The following CMTM8 variants were observed in gnomAD, a reference collection of about 807,000 sequenced individuals.
CMTM8 encodes the protein CKLF-like MARVEL transmembrane domain-containing protein 8.
CMTM8 carries 12 observed loss-of-function variants against 18.6 expected under a neutral mutation model. The ratio of observed to expected loss-of-function variants is 0.65; its 90% confidence interval spans 0.41 to 1.05. The LOEUF (loss-of-function observed/expected upper bound fraction) is 1.05, where lower values mean the gene tolerates loss of function less well. Among genes scored for constraint, CMTM8 ranks in the 50% least tolerant of loss-of-function variants. The pLI, the probability that CMTM8 is intolerant of heterozygous loss-of-function variation, is 0.00. For missense variants in CMTM8, 217 were observed against 227.2 expected, an observed-to-expected ratio of 0.95 and a Z score of 0.29; for synonymous variants, 87 against 90.6, an observed-to-expected ratio of 0.96 and a Z score of 0.23.
chr3:32,267,298 A>T (rs1045726074), intron 1 of CMTM8, among the ~76,000 whole-genome samples: 1 of 152,208 alleles, frequency 6.6e-6, no homozygotes, highest in African/African-American at 2.4e-5. Context: ...ATAATGCCAC[A>T]CATCTACAAC....
rs1486047004 is a variant in CMTM8 at position 32,238,741 on chromosome 3, G to A, written c.-232G>A. On this transcript the variant is annotated 5_prime_UTR_variant, in exon 1 of 4. Coordinates refer to ENST00000307526, the MANE Select transcript of CMTM8 (RefSeq NM_178868.5). ...CCTCGCTCGCTCTCCTCTTCCTCTA[G>A]GGCCCCAGCGCAGCTCGGGAGCCCG... is the stretch of plus-strand genomic sequence containing the variant. The A allele has an allele frequency of 1.7e-5, 4 of 241,640 alleles. No homozygotes were observed. Among genetic ancestry groups the A allele is most frequent in the African/African-American group, 6.9e-5 (3 of 43,368 alleles). The allele number at this position is 241,640 out of a possible 1,614,324, so 15.0% of individuals were successfully genotyped here.
intron 1 of CMTM8, among the ~76,000 whole-genome samples, chr3:32,251,252 C>A (rs1702106860): frequency 6.6e-6 from 1 of 152,134 alleles, no homozygotes; most frequent in East Asian, 1.9e-4. Flanking sequence ...TTTTTATTTG[C>A]ATTTCTGTGA....
intron 1 of CMTM8, among the ~76,000 whole-genome samples, chr3:32,274,822 A>C (rs909693064): frequency 2.6e-5 from 4 of 152,118 alleles, no homozygotes; most frequent in African/African-American, 9.7e-5. Context: ...ATTTTGAAGA[A>C]TCCAAGTGAG....
At chr3:32,276,806 GA>G (rs1292511870) in intron 1 of CMTM8, among the ~76,000 whole-genome samples, 1 of 152,108 alleles carries the variant, frequency 6.6e-6, no homozygotes. Context: ...GAGGCTGCCA[GA>G]CCTTCCATAT....
chr3:32,366,940 G>A (rs908535915), intron 2 of CMTM8, among the ~76,000 whole-genome samples: 8 of 152,206 alleles, frequency 5.3e-5, no homozygotes, highest in Admixed American at 4.6e-4. Flanking sequence ...GGTGGCGACA[G>A]GAACATACAA....
intron 1 of CMTM8, among the ~76,000 whole-genome samples, chr3:32,262,769 A>T (rs1702274586): frequency 6.6e-6 from 1 of 152,094 alleles, no homozygotes; most frequent in Admixed American, 6.6e-5. Flanking sequence ...CTGTAGGCTT[A>T]TTTCTTCCCT....
At chr3:32,336,287 C>T (rs183443671) in intron 1 of CMTM8, among the ~76,000 whole-genome samples, 1 of 152,340 alleles carries the variant, frequency 6.6e-6, no homozygotes, top group Admixed American at 6.5e-5. Flanking sequence ...AGCCGGTTCT[C>T]AGGCTCTGTG....
At chr3:32,295,479 C>CAAAAAAAAA (rs58774314) in intron 1 of CMTM8, among the ~76,000 whole-genome samples, 2 of 82,466 alleles carry the variant, frequency 2.4e-5, no homozygotes, top group African/African-American at 5.2e-5. Flanking sequence ...AAAAAAAAAA[C>CAAAAAAAAA]AAAACAAAAC....
At chr3:32,288,106 C>T (rs1702715992) in intron 1 of CMTM8, among the ~76,000 whole-genome samples, 1 of 152,178 alleles carries the variant, frequency 6.6e-6, no homozygotes, top group Non-Finnish European at 1.5e-5. Flanking sequence ...GACCTGGAAT[C>T]TGAACACAGT....
intron 3 of CMTM8, among the ~76,000 whole-genome samples, chr3:32,369,394 T>G (rs1469527996): frequency 6.6e-6 from 1 of 152,144 alleles, no homozygotes; most frequent in African/African-American, 2.4e-5. Flanking sequence ...GGGCTCAAGT[T>G]AACACGTAGC....
At position 32,340,857 on chromosome 3, in the gene CMTM8, C is replaced by G. The variant is rs572717590; in HGVS notation, c.148-16516C>G. On this transcript the variant is annotated intron_variant, in intron 1 of 3. Transcript: ENST00000307526. ...TGGCGAATTCCTCCTGTGCAGGGAC[C>G]CAAGCCTCATTCACCTTTGTACCCT... Among the ~76,000 whole-genome samples, 10 of 152,294 alleles carry G rather than the reference C, an allele frequency of 6.6e-5. No individual in the cohort carries two copies. The South Asian group carries it at 2.1e-3, about 32-fold the overall frequency.
At chr3:32,274,655 A>T (rs1365181462) in intron 1 of CMTM8, among the ~76,000 whole-genome samples, 1 of 152,202 alleles carries the variant, frequency 6.6e-6, no homozygotes, top group Non-Finnish European at 1.5e-5. Flanking sequence ...TGTAACTATC[A>T]TTCTCAAATT....
intron 1 of CMTM8, among the ~76,000 whole-genome samples, chr3:32,255,916 C>T (rs1702168827): frequency 6.6e-6 from 1 of 152,008 alleles, no homozygotes; most frequent in African/African-American, 2.4e-5. Flanking sequence ...TTTGTAGAGA[C>T]AGGATTTCGC....
At chr3:32,277,400 CTT>C (rs558094691) in intron 1 of CMTM8, among the ~76,000 whole-genome samples, 1 of 147,896 alleles carries the variant, frequency 6.8e-6, no homozygotes, top group Non-Finnish European at 1.5e-5. Flanking sequence ...TTTTATTTTC[CTT>C]TTTTTTTTCT....
intron 1 of CMTM8, among the ~76,000 whole-genome samples, chr3:32,274,271 C>T (rs563268566): frequency 5.3e-4 from 80 of 151,074 alleles, no homozygotes; most frequent in Non-Finnish European, 8.4e-4. Context: ...GATCATGCCA[C>T]TGCACTCCAG....
intron 1 of CMTM8, among the ~76,000 whole-genome samples, chr3:32,286,565 A>G (rs1398313916): frequency 6.6e-6 from 1 of 152,234 alleles, no homozygotes; most frequent in Non-Finnish European, 1.5e-5. Flanking sequence ...AGATAAACCC[A>G]GCCTGCATTT....
intron 1 of CMTM8, among the ~76,000 whole-genome samples, chr3:32,313,417 C>T (rs1428895802): frequency 1.3e-5 from 2 of 152,102 alleles, no homozygotes; most frequent in East Asian, 3.9e-4. Context: ...AGGCTCCCAC[C>T]TCAGCCTCCT....
Position 32,238,969 on chromosome 3 carries a change from G to A in CMTM8, c.-4G>A. Reference sequence around the variant, plus strand: ...GGACGCGCCAGCCCGGCAGTGGCTCGACGATGGAGGAGCCGCAGCGCGCCC... The same window carrying A: ...GGACGCGCCAGCCCGGCAGTGGCTCAACGATGGAGGAGCCGCAGCGCGCCC... On this transcript the variant is annotated 5_prime_UTR_variant, in exon 1 of 4. Transcript: ENST00000307526. The A allele has an allele frequency of 6.5e-7, 1 of 1,546,594 alleles. No homozygotes were observed. The highest frequency in any genetic ancestry group is 1.4e-5 in the African/African-American group (1 of 72,588).
At chr3:32,367,098 ACTCCTGAGAGGCATCCCCCTT>A (rs1190841866) in intron 2 of CMTM8, among the ~76,000 whole-genome samples, 2 of 151,648 alleles carry the variant, frequency 1.3e-5, no homozygotes, top group East Asian at 3.9e-4. Flanking sequence ...CAGAGGGCCC[ACTCCTGAGAGGCATCCCCCTT>A]CCTCCCCAGT....
Sources: allele counts gnomAD v4.1 joint callset (sites outside exome capture counted in the v4.1 genomes callset), GRCh38; gene constraint gnomAD v4.1.1; transcripts MANE v1.5; gene names NCBI Gene and HGNC (gene_info 2026-07-23, HGNC 2026-07-21).